Variants in EIF4E1B observed in about 807,000 individuals in gnomAD.
The protein encoded by EIF4E1B is eukaryotic translation initiation factor 4E type 1B.
Under a neutral mutation model 31.3 loss-of-function variants are expected in EIF4E1B, and 22 were observed. That is an observed-to-expected ratio of 0.70 (90% CI 0.50 to 1.00). The LOEUF (loss-of-function observed/expected upper bound fraction) is 1.00. EIF4E1B is among the 50% of genes least tolerant of loss of function. The pLI is 0.00. For missense variants in EIF4E1B, 290 were observed against 311.6 expected (o/e 0.93, Z 0.52); for synonymous variants, 126 against 120.2 (o/e 1.05, Z -0.31).
At position 176,643,101 on chromosome 5, in the gene EIF4E1B, G is replaced by A. The variant is rs1445863382; in HGVS notation, c.35G>A (p.Gly12Glu). The A allele has an allele frequency of 1.2e-6, 2 of 1,612,838 alleles. No homozygotes were observed. The highest frequency in any genetic ancestry group is 1.7e-6 in the Non-Finnish European group (2 of 1,179,410). ...GCTCAGGTGAGTGAAGCTGAGGGTGGAATCCGAGAGTGGGAGGAGGAGGAG... is the reference window on the plus strand; with the variant it reads ...GCTCAGGTGAGTGAAGCTGAGGGTGAAATCCGAGAGTGGGAGGAGGAGGAG... ...LAVEVSEAEGGIREWEEEEKE... is the reference protein window; with the variant it reads ...LAVEVSEAEGEIREWEEEEKE... The change falls in exon 4 of 9, where the codon GGA (glycine) becomes GAA (glutamate). Residue 12 changes from glycine (G) to glutamate (E), a missense_variant. Gly to Glu is a moderately conservative substitution (Grantham distance 98). Transcript: ENST00000318682.
chr5:176,644,149 T>A, intron 5 of EIF4E1B: 1 of 573,460 alleles, frequency 1.7e-6, no homozygotes, highest in South Asian at 2.2e-5. Context: ...CACCAGGGGG[T>A]CTAAAACCCT....
At position 176,645,213 on chromosome 5, in the gene EIF4E1B, C is replaced by T; in HGVS notation, c.444C>T (p.His148=). 1 of 1,592,608 alleles carries T rather than the reference C, an allele frequency of 6.3e-7. No homozygotes were observed. The highest frequency in any genetic ancestry group is 8.5e-7 in the Non-Finnish European group (1 of 1,169,780). The change falls in exon 7 of 9, where the codon CAC becomes CAT. Residue 148 remains histidine (H), a synonymous_variant. Coordinates refer to ENST00000318682, the MANE Select transcript of EIF4E1B (RefSeq NM_001099408.2). The surrounding 1 kb of genome is among the most constrained non-coding windows in gnomAD (Gnocchi z 5.4). ...WLVSLAKQQR[H]IELDRLWLET... ...TCAGCCTGGCCAAGCAGCAGCGCCA[C>T]ATTGAGCTGGACCGGCTGTGGCTGG...
In EIF4E1B at chr5:176,643,137, AG is replaced by A; in HGVS notation, c.73del (p.Ala25GlnfsTer21). 1 of 1,613,868 alleles carries A rather than the reference AG, an allele frequency of 6.2e-7. No homozygotes were observed. Among genetic ancestry groups the A allele is most frequent in the Non-Finnish European group, 8.5e-7 (1 of 1,179,864 alleles). On this transcript the variant is annotated frameshift_variant, in exon 4 of 9. Coordinates refer to ENST00000318682, the MANE Select transcript of EIF4E1B (RefSeq NM_001099408.2). LOFTEE classifies it high-confidence loss of function. ...TGGGAGGAGGAGGAGAAGGAGGAGG[AG>A]GCAGCAGAGAGGACGCCCACAGGAG... ...REWEEEEKEE[E>X]AAERTPTGEK...
In EIF4E1B at chr5:176,643,211, G is replaced by A. The variant is rs1466227983; in HGVS notation, c.145G>A (p.Ala49Thr). Residue 49 changes from alanine to threonine, a missense_variant, in exon 4 of 9, where the codon GCC becomes ACC. Ala to Thr is a moderately conservative substitution (Grantham distance 58, BLOSUM62 0). Transcript: ENST00000318682. ...PRTLLSLRGK[A>T]RTGGPMEVKL... The stretch of plus-strand genomic sequence containing the variant: ...GACTTTGCTGTCTCTGAGAGGGAAG[G>A]CCCGGACGGGGGGCCCCATGGAAGT... The A allele has an allele frequency of 6.2e-7, 1 of 1,613,330 alleles. No individual in the cohort carries two copies.
At chr5:176,642,996 T>C in intron 3 of EIF4E1B, 86 bp from the exon 4 acceptor site, 1 of 1,523,548 alleles carries the variant, frequency 6.6e-7, no homozygotes, top group Non-Finnish European at 8.8e-7. Context: ...TGCCTTCCCC[T>C]CCTGGAGCAG....
chr5:176,639,054 G>T (rs1760537835), intron 1 of EIF4E1B, among the ~76,000 whole-genome samples: 1 of 152,226 alleles, frequency 6.6e-6, no homozygotes, highest in Non-Finnish European at 1.5e-5. Flanking sequence ...ACTGGCCTCG[G>T]CCTCCCAAAG....
rs749386549 is a variant in EIF4E1B at position 176,643,214 on chromosome 5, C to T, written c.148C>T (p.Arg50Trp). 4.2e-5 allele frequency: 67 copies of T among 1,613,110 alleles called. No homozygotes were observed. The highest frequency in any genetic ancestry group is 6.7e-5 in the Admixed American group (4 of 60,008). The change falls in exon 4 of 9, where the codon CGG becomes TGG. Residue 50 changes from arginine (R) to tryptophan (W), a missense_variant. Physicochemically the swap from Arg to Trp is moderately radical, Grantham distance 101. Transcript: ENST00000318682. ...TTTGCTGTCTCTGAGAGGGAAGGCC[C>T]GGACGGGGGGCCCCATGGAAGTCAA... ...RTLLSLRGKA[R>W]TGGPMEVKLE...
Position 176,645,369 on chromosome 5 carries a change from G to C in EIF4E1B, c.475-8G>C. 6.5e-7 allele frequency: 1 copy of C among 1,535,496 alleles called. No homozygotes were observed. Among genetic ancestry groups the C allele is most frequent in the Non-Finnish European group, 8.8e-7 (1 of 1,138,314 alleles). On this transcript the variant is annotated splice_polypyrimidine_tract_variant and splice_region_variant and intron_variant, in intron 7 of 8. Transcript: ENST00000318682. The surrounding 1 kb of genome is among the most constrained non-coding windows in gnomAD (Gnocchi z 5.4). ...CGGTGATCTCACAACCCCCTACTTCGGGTCCAGCTGCTGTGTCTGATCGGG... is the reference window on the plus strand; with the variant it reads ...CGGTGATCTCACAACCCCCTACTTCCGGTCCAGCTGCTGTGTCTGATCGGG...
At chr5:176,637,858 A>G (rs1760519380) in intron 1 of EIF4E1B, among the ~76,000 whole-genome samples, 1 of 152,102 alleles carries the variant, frequency 6.6e-6, no homozygotes, top group Admixed American at 6.6e-5. Context: ...ATTCTTGGGC[A>G]AGGGTGAAAG....
At position 176,645,382 on chromosome 5, in the gene EIF4E1B, G is replaced by C; in HGVS notation, c.480G>C (p.Leu160=). 3 of 1,532,676 alleles carry C rather than the reference G, an allele frequency of 2.0e-6. No individual in the cohort carries two copies. Among genetic ancestry groups the C allele is most frequent in the Non-Finnish European group, 2.6e-6 (3 of 1,137,424 alleles). 94.9% of individuals were successfully genotyped at this position (1,532,676 alleles called of 1,614,324 possible). A position where few individuals can be genotyped will look rare whatever the true frequency, so the allele number is the denominator to read the frequency against. ...ELDRLWLETL[L]CLIGESFEEH... is the part of the protein sequence containing the mutation. ...ACCCCCTACTTCGGGTCCAGCTGCT[G>C]TGTCTGATCGGGGAGAGCTTTGAGG... The change falls in exon 8 of 9, where the codon CTG becomes CTC. Residue 160 remains leucine, a synonymous_variant. Transcript: ENST00000318682. This position sits in a 1 kb window ranked among gnomAD's most constrained non-coding sequence, Gnocchi z 5.4.
intron 1 of EIF4E1B, among the ~76,000 whole-genome samples, chr5:176,633,882 G>C (rs948640992): frequency 6.6e-6 from 1 of 152,184 alleles, no homozygotes; most frequent in African/African-American, 2.4e-5. Flanking sequence ...GAGATGGGTT[G>C]GAGGAGGATA....
rs1760527431 is a variant in EIF4E1B at position 176,638,303 on chromosome 5, C to A, written c.-201-3740C>A. Among the ~76,000 whole-genome samples, 2 of 152,164 alleles carry A rather than the reference C, an allele frequency of 1.3e-5. No homozygotes were observed. The highest frequency in any genetic ancestry group is 2.9e-5 in the Non-Finnish European group (2 of 68,024). Reference sequence around the variant, plus strand: ...AAACAGCAAGTACTGACAGAACAGACAAGAGGTCCCAGGGCTTAGTCCTAG... The same window carrying A: ...AAACAGCAAGTACTGACAGAACAGAAAAGAGGTCCCAGGGCTTAGTCCTAG... On this transcript the variant is annotated intron_variant, in intron 1 of 8. Transcript: ENST00000318682. The surrounding 1 kb of genome is among the most constrained non-coding windows in gnomAD (Gnocchi z 4.3).
chr5:176,641,208 A>G (rs1760569785), intron 1 of EIF4E1B, among the ~76,000 whole-genome samples: 1 of 152,194 alleles, frequency 6.6e-6, no homozygotes, highest in Admixed American at 6.5e-5. Context: ...GCATGCCTGT[A>G]GTCCCAGCTA....
chr5:176,632,413 G>A (rs1760418205), intron 1 of EIF4E1B, among the ~76,000 whole-genome samples: 1 of 152,062 alleles, frequency 6.6e-6, no homozygotes, highest in Non-Finnish European at 1.5e-5. Context: ...GTGCCACCAC[G>A]CCCAGCTAAT....
chr5:176,633,461 A>G (rs1345944178), intron 1 of EIF4E1B, among the ~76,000 whole-genome samples: 2 of 151,978 alleles, frequency 1.3e-5, no homozygotes, highest in Admixed American at 1.3e-4. Context: ...GAGACAGGGT[A>G]TTTGTTTGTG....
In EIF4E1B at chr5:176,638,128, T is replaced by C. The variant is rs1198329727; in HGVS notation, c.-201-3915T>C. 6.6e-6 allele frequency among the ~76,000 whole-genome samples: 1 copy of C among 152,154 alleles called. No homozygotes were observed. The highest frequency in any genetic ancestry group is 6.5e-5 in the Admixed American group (1 of 15,286). On this transcript the variant is annotated intron_variant, in intron 1 of 8. Coordinates refer to ENST00000318682, the MANE Select transcript of EIF4E1B (RefSeq NM_001099408.2). This position sits in a 1 kb window ranked among gnomAD's most constrained non-coding sequence, Gnocchi z 4.3. ...GGGCAGAGGAGGTGTCAGGAATTCA[T>C]CTTTGGACATGGTAGCTCTGAGATG...
At chr5:176,636,650 G>C (rs1760497509) in intron 1 of EIF4E1B, among the ~76,000 whole-genome samples, 1 of 152,228 alleles carries the variant, frequency 6.6e-6, no homozygotes, top group Admixed American at 6.5e-5. Context: ...GTCCTGCAGG[G>C]CAGGCAGGAC....
rs1760536528 is a variant in EIF4E1B at position 176,638,977 on chromosome 5, T to C, written c.-201-3066T>C. On this transcript the variant is annotated intron_variant, in intron 1 of 8. Coordinates refer to ENST00000318682, the MANE Select transcript of EIF4E1B (RefSeq NM_001099408.2). The surrounding 1 kb of genome is among the most constrained non-coding windows in gnomAD (Gnocchi z 4.3). The stretch of plus-strand genomic sequence containing the variant: ...GTTGTTGTTTGTTTGTTTGTTTTAT[T>C]TTTAGTAGAGACACGGTTTTACCAT... Among the ~76,000 whole-genome samples, 1 of 152,150 alleles carries C rather than the reference T, an allele frequency of 6.6e-6. No homozygotes were observed. Among genetic ancestry groups the C allele is most frequent in the Admixed American group, 6.5e-5 (1 of 15,272 alleles).
intron 2 of EIF4E1B, 146 bp downstream of exon 2, chr5:176,642,311 T>C (rs1760592682): frequency 6.5e-6 from 1 of 154,036 alleles, no homozygotes; most frequent in African/African-American, 2.4e-5. Context: ...AACCCCCCTA[T>C]GTCTAAATGT....
Sources: allele counts gnomAD v4.1 joint callset (sites outside exome capture counted in the v4.1 genomes callset), GRCh38; gene constraint gnomAD v4.1.1; non-coding constraint Gnocchi (gnomAD v3.1); transcripts MANE v1.5; gene names NCBI Gene and HGNC (gene_info 2026-07-23, HGNC 2026-07-21).